PREX1: variants seen among roughly 807,000 people sequenced by gnomAD.
The protein encoded by PREX1 is phosphatidylinositol 3,4,5-trisphosphate-dependent Rac exchanger 1 protein.
PREX1 carries 41 observed loss-of-function variants against 198.3 expected under a neutral mutation model. That is an observed-to-expected ratio of 0.21 (90% CI 0.16 to 0.27). The LOEUF is 0.27. Among genes scored for constraint, PREX1 ranks in the 10% least tolerant of loss-of-function variants. The pLI, the probability that PREX1 is intolerant of heterozygous loss-of-function variation, is 1.00. For synonymous variants in PREX1, 843 were observed against 887.2 expected, an observed-to-expected ratio of 0.95 and a Z score of 0.89; for missense variants, 1,620 against 2,200.7, an observed-to-expected ratio of 0.74 and a Z score of 5.28.
chr20:48,797,404 C>A (rs772400352), intron 1 of PREX1, among the ~76,000 whole-genome samples: 9 of 151,298 alleles, frequency 5.9e-5, no homozygotes, highest in Non-Finnish European at 1.0e-4. Context: ...CCCAGGGCTC[C>A]AGCCCCCTCC....
chr20:48,862,790 A>AAAAAAAAAAAAAAAAAATATAT, the PREX1 span, among the ~76,000 whole-genome samples: 1 of 102,580 alleles, frequency 9.7e-6, no homozygotes, highest in Non-Finnish European at 1.9e-5. Flanking sequence ...TAAAAAAAAA[A>AAAAAAAAAAAAAAAAAATATAT]ATATATATAT....
chr20:48,730,022 G>A lies in PREX1; in HGVS notation c.520-3631C>T, dbSNP rs539511826. Among the ~76,000 whole-genome samples the A allele has an allele frequency of 7.2e-5, 11 of 152,172 alleles. No individual in the cohort carries two copies. The South Asian group carries it at 8.3e-4, about 11-fold the overall frequency. The stretch of plus-strand genomic sequence containing the variant: ...ATGCTGCCACAAGCCAGGGAGCACC[G>A]ACGGCCGCTGGAAGATTAAAGAGGA... On this transcript the variant is annotated intron_variant, in intron 4 of 39. Coordinates refer to ENST00000371941, the MANE Select transcript of PREX1 (RefSeq NM_020820.4).
chr20:48,632,545 G>A lies in PREX1; in HGVS notation c.4362C>T (p.Arg1454=), dbSNP rs1291359416. Residue 1454 remains arginine, a synonymous_variant, in exon 34 of 40, where the codon CGC becomes CGT. Transcript: ENST00000371941. Reference sequence around the variant, plus strand: ...GCCTCAGGCTGGCCCCACCCTCCAGGCGGGAGGGCAGCTTGGAGAAGTGGT... The same window carrying A: ...GCCTCAGGCTGGCCCCACCCTCCAGACGGGAGGGCAGCTTGGAGAAGTGGT... ...DSYHFSKLPS[R]LEGGASLRLH... 6.2e-7 allele frequency: 1 copy of A among 1,614,018 alleles called. No individual in the cohort carries two copies. Among genetic ancestry groups the A allele is most frequent in the Non-Finnish European group, 8.5e-7 (1 of 1,179,932 alleles).
chr20:48,825,533 C>T (rs906175371), intron 1 of PREX1, among the ~76,000 whole-genome samples: 6 of 151,876 alleles, frequency 4.0e-5, no homozygotes, highest in African/African-American at 7.3e-5. Flanking sequence ...GAATGGTTGG[C>T]TCCAATCAAT....
chr20:48,761,207 C>A (rs553451552), intron 1 of PREX1, among the ~76,000 whole-genome samples: 1 of 152,354 alleles, frequency 6.6e-6, no homozygotes, highest in East Asian at 1.9e-4. Context: ...GAGGCACATT[C>A]AGTCTTTCCA....
intron 1 of PREX1, among the ~76,000 whole-genome samples, chr20:48,764,946 C>T (rs113547040): frequency 0.013 from 1,920 of 152,136 alleles, 39 homozygotes; most frequent in African/African-American, 0.044. Flanking sequence ...GGCAAGGAAA[C>T]GGATTCTCCC....
chr20:48,752,626 C>G (rs1192918917), intron 1 of PREX1, among the ~76,000 whole-genome samples: 1 of 152,016 alleles, frequency 6.6e-6, no homozygotes, highest in Non-Finnish European at 1.5e-5. Context: ...GACACTATCT[C>G]CCCGAGTGCC....
intron 5 of PREX1, among the ~76,000 whole-genome samples, chr20:48,721,823 TG>T (rs1258326124): frequency 6.6e-6 from 1 of 152,124 alleles, no homozygotes; most frequent in Non-Finnish European, 1.5e-5. Context: ...AGCTGGACTC[TG>T]GACAGAGTCT....
intron 25 of PREX1, among the ~76,000 whole-genome samples, chr20:48,647,777 A>G (rs916981825): frequency 6.6e-6 from 1 of 152,108 alleles, no homozygotes; most frequent in African/African-American, 2.4e-5. Context: ...CTTATCATGG[A>G]ATATTTCCAT....
At chr20:48,706,091 GC>G (rs1186257545) in intron 6 of PREX1, among the ~76,000 whole-genome samples, 1 of 152,136 alleles carries the variant, frequency 6.6e-6, no homozygotes. Context: ...ATTTCCTATT[GC>G]ATCCAGCAAC....
rs2090517855 is a variant in PREX1, at chr20:48,827,963, A to C, written c.-103T>G. 1 of 353,944 alleles carries C rather than the reference A, an allele frequency of 2.8e-6. No individual in the cohort carries two copies. The highest frequency in any genetic ancestry group is 3.9e-6 in the Non-Finnish European group (1 of 257,226). 21.9% of individuals were successfully genotyped at this position (353,944 alleles called of 1,614,324 possible). On this transcript the variant is annotated 5_prime_UTR_variant, in exon 1 of 40. Coordinates refer to ENST00000371941, the MANE Select transcript of PREX1 (RefSeq NM_020820.4). The surrounding 1 kb of genome is among the most constrained non-coding windows in gnomAD (Gnocchi z 4.1). ...CGGGGCGCGCCGGCGGGCCGGGCTC[A>C]GCGGCGGGCCGGGCTCCCGGCGCGG...
the PREX1 span, among the ~76,000 whole-genome samples, chr20:48,858,768 T>C: frequency 6.6e-6 from 1 of 152,234 alleles, no homozygotes; most frequent in Admixed American, 6.5e-5. Flanking sequence ...ACCACCTTCT[T>C]TGGTGTTATC....
At chr20:48,789,831 C>T (rs988325361) in intron 1 of PREX1, among the ~76,000 whole-genome samples, 11 of 151,498 alleles carry the variant, frequency 7.3e-5, no homozygotes, top group Middle Eastern at 3.4e-3. Context: ...AACAGACGGA[C>T]GGATGACAAA....
chr20:48,736,119 G>A (rs143813599), intron 3 of PREX1, among the ~76,000 whole-genome samples: 1,578 of 152,232 alleles, frequency 0.01, 17 homozygotes, highest in Non-Finnish European at 0.016. Context: ...TAATATATGT[G>A]AAATGAGTAG....
At chr20:48,677,521 C>T (rs968425965) in intron 13 of PREX1, among the ~76,000 whole-genome samples, 6 of 152,190 alleles carry the variant, frequency 3.9e-5, no homozygotes, top group African/African-American at 7.2e-5. Flanking sequence ...AAGCACCTTC[C>T]GTGAATTTAA....
At chr20:48,726,694 G>A (rs1314461349) in intron 4 of PREX1, among the ~76,000 whole-genome samples, 2 of 152,092 alleles carry the variant, frequency 1.3e-5, no homozygotes, top group Non-Finnish European at 2.9e-5. Context: ...GCCATATAGT[G>A]GCAAAACTTA....
At chr20:48,638,285 TAC>T (rs1184723354) in intron 30 of PREX1, among the ~76,000 whole-genome samples, 1 of 152,004 alleles carries the variant, frequency 6.6e-6, no homozygotes, top group African/African-American at 2.4e-5. Context: ...CATACATATG[TAC>T]ACACACAGGT....
the PREX1 span, among the ~76,000 whole-genome samples, chr20:48,864,741 T>C: frequency 6.6e-6 from 1 of 152,208 alleles, no homozygotes; most frequent in East Asian, 1.9e-4. Flanking sequence ...TACGCCTTTG[T>C]GTCGGGCACT....
chr20:48,751,360 C>T (rs371886267), intron 1 of PREX1, among the ~76,000 whole-genome samples: 3 of 152,196 alleles, frequency 2.0e-5, no homozygotes, highest in East Asian at 1.9e-4. Flanking sequence ...TGCCGCACTC[C>T]GCTGGCCTAG....
Sources: gnomAD v4.1 joint callset for allele counts (sites outside exome capture counted in the v4.1 genomes callset) on GRCh38, gnomAD v4.1.1 for gene constraint, Gnocchi (gnomAD v3.1) non-coding constraint, MANE v1.5 for transcripts, NCBI Gene and HGNC (gene_info 2026-07-23, HGNC 2026-07-21) for gene names.